LRRC3B: variants seen among roughly 807,000 people sequenced by gnomAD.
The protein encoded by LRRC3B is leucine rich repeat containing 3B.
LRRC3B carries 2 observed loss-of-function variants against 12.8 expected under a neutral mutation model. The observed-to-expected ratio is 0.16, with a 90% CI of 0.06 to 0.49. LRRC3B has a LOEUF of 0.49. Among genes scored for constraint, LRRC3B ranks in the 20% least tolerant of loss-of-function variants. The pLI is 0.96. For synonymous variants in LRRC3B, 132 were observed against 122.0 expected (o/e 1.08, Z -0.54); for missense variants, 189 against 319.4 (o/e 0.59, Z 3.11).
chr3:26,658,660 C>T (rs78651422), intron 1 of LRRC3B, among the ~76,000 whole-genome samples: 1,921 of 152,322 alleles, frequency 0.013, 46 homozygotes, highest in African/African-American at 0.044. Context: ...GAGTAATAAC[C>T]AGGCTGCGCC....
At chr3:26,663,593 C>T (rs567822366) in intron 1 of LRRC3B, among the ~76,000 whole-genome samples, 1 of 152,116 alleles carries the variant, frequency 6.6e-6, no homozygotes, top group Non-Finnish European at 1.5e-5. Flanking sequence ...ACTGATAAAG[C>T]TTTCCATTGA....
At chr3:26,702,697 T>C (rs1189312462) in intron 1 of LRRC3B, among the ~76,000 whole-genome samples, 1 of 152,028 alleles carries the variant, frequency 6.6e-6, no homozygotes, top group Non-Finnish European at 1.5e-5. Context: ...TAACTTGACA[T>C]TAGAAGGATG....
At chr3:26,705,442 G>A (rs1700563421) in intron 1 of LRRC3B, among the ~76,000 whole-genome samples, 1 of 151,916 alleles carries the variant, frequency 6.6e-6, no homozygotes, top group Admixed American at 6.6e-5. Context: ...GGGGGAGTTA[G>A]GAGGGAGGAA....
intron 1 of LRRC3B, among the ~76,000 whole-genome samples, chr3:26,678,493 C>CA: frequency 7.9e-6 from 1 of 126,668 alleles, no homozygotes; most frequent in South Asian, 2.3e-4. Flanking sequence ...GACCCTGTCT[C>CA]AAAAAACGAA....
chr3:26,642,854 T>A (rs1699060091), intron 1 of LRRC3B, among the ~76,000 whole-genome samples: 1 of 151,928 alleles, frequency 6.6e-6, no homozygotes. Context: ...CTGTCTCTAC[T>A]AAAAATACAA....
At chr3:26,629,302 G>A (rs939660735) in intron 1 of LRRC3B, among the ~76,000 whole-genome samples, 1 of 149,282 alleles carries the variant, frequency 6.7e-6, no homozygotes, top group Non-Finnish European at 1.5e-5. Context: ...ATTGATAGAA[G>A]AAGTATTCAG....
At chr3:26,625,048 T>A (rs527819813) in intron 1 of LRRC3B, 1 of 152,530 alleles carries the variant, frequency 6.6e-6, no homozygotes, top group South Asian at 2.1e-4. Flanking sequence ...TGAGAGTGGA[T>A]CCCTGGTTCC....
intron 1 of LRRC3B, among the ~76,000 whole-genome samples, chr3:26,631,493 A>G (rs1470236533): frequency 6.6e-6 from 1 of 152,232 alleles, no homozygotes; most frequent in Admixed American, 6.5e-5. Flanking sequence ...TTTAAAGTAG[A>G]TAATAAGGCC....
intron 1 of LRRC3B, among the ~76,000 whole-genome samples, chr3:26,671,407 G>GAGAGAC (rs1699741770): frequency 7.6e-6 from 1 of 131,776 alleles, no homozygotes; most frequent in Non-Finnish European, 1.6e-5. Context: ...GAGAGAGAGA[G>GAGAGAC]AGAGAGACGA....
intron 1 of LRRC3B, among the ~76,000 whole-genome samples, chr3:26,661,118 C>T (rs1450099150): frequency 1.3e-5 from 2 of 152,170 alleles, no homozygotes; most frequent in Non-Finnish European, 2.9e-5. Context: ...GGGGTATGTA[C>T]ATCAGTGACT....
intron 1 of LRRC3B, among the ~76,000 whole-genome samples, chr3:26,699,209 A>ATTAG (rs766950621): frequency 2.1e-4 from 32 of 152,244 alleles, no homozygotes; most frequent in Non-Finnish European, 4.4e-4. Context: ...TCATTTCCTA[A>ATTAG]TTAGTTATAC....
intron 1 of LRRC3B, among the ~76,000 whole-genome samples, chr3:26,639,524 A>AAATTAAATTT (rs1698977394): frequency 8.0e-6 from 1 of 124,482 alleles, no homozygotes; most frequent in Non-Finnish European, 1.5e-5. Flanking sequence ...AAATTAAATT[A>AAATTAAATTT]AATTTAAATC....
intron 1 of LRRC3B, among the ~76,000 whole-genome samples, chr3:26,675,547 T>A (rs1699839918): frequency 6.6e-6 from 1 of 152,176 alleles, no homozygotes; most frequent in Admixed American, 6.5e-5. Context: ...CACTGAGTGT[T>A]TTTTCCTTTT....
intron 1 of LRRC3B, among the ~76,000 whole-genome samples, chr3:26,667,803 C>G (rs545668211): frequency 1.3e-5 from 2 of 152,110 alleles, no homozygotes; most frequent in Non-Finnish European, 2.9e-5. Flanking sequence ...AACAGGGTGT[C>G]TCTTGTCAAA....
chr3:26,677,152 T>C (rs1272922005), intron 1 of LRRC3B, among the ~76,000 whole-genome samples: 1 of 152,140 alleles, frequency 6.6e-6, no homozygotes. Context: ...CACAGGGATG[T>C]TGAATAATCA....
At chr3:26,637,672 T>A (rs1416611193) in intron 1 of LRRC3B, among the ~76,000 whole-genome samples, 1 of 152,196 alleles carries the variant, frequency 6.6e-6, no homozygotes, top group Non-Finnish European at 1.5e-5. Context: ...TTTTTCCTAC[T>A]ATAGATCCCT....
intron 1 of LRRC3B, among the ~76,000 whole-genome samples, chr3:26,680,813 C>T (rs1377769100): frequency 6.6e-6 from 1 of 152,212 alleles, no homozygotes; most frequent in Non-Finnish European, 1.5e-5. Flanking sequence ...CTAGCCCAGA[C>T]AGGGGATTTA....
At chr3:26,686,330 TG>T (rs1268720823) in intron 1 of LRRC3B, among the ~76,000 whole-genome samples, 1 of 152,124 alleles carries the variant, frequency 6.6e-6, no homozygotes, top group Non-Finnish European at 1.5e-5. Context: ...CCGCCTGCCT[TG>T]GCCTCCCAAA....
chr3:26,660,279 G>A (rs1410895026), intron 1 of LRRC3B, among the ~76,000 whole-genome samples: 1 of 152,148 alleles, frequency 6.6e-6, no homozygotes, highest in African/African-American at 2.4e-5. Context: ...AGGCATGGTA[G>A]AAGAGCAAGT....
Sources: gnomAD v4.1 joint callset for allele counts (sites outside exome capture counted in the v4.1 genomes callset) on GRCh38, gnomAD v4.1.1 for gene constraint, MANE v1.5 for transcripts, NCBI Gene and HGNC (gene_info 2026-07-23, HGNC 2026-07-21) for gene names.